The following BTBD16 variants were observed in gnomAD, a reference collection of about 807,000 sequenced individuals.
The protein encoded by BTBD16 is BTB domain containing 16, also known as BTB/POZ domain-containing protein 16.
BTBD16 carries 66 observed loss-of-function variants against 67.4 expected under a neutral mutation model. The ratio of observed to expected loss-of-function variants is 0.98; its 90% CI spans 0.80 to 1.20. The LOEUF (loss-of-function observed/expected upper bound fraction) is 1.20. BTBD16 is among the 50% of genes most tolerant of loss of function. The pLI, the probability that BTBD16 is intolerant of heterozygous loss-of-function variation, is 0.00. For missense variants in BTBD16, 634 were observed against 616.0 expected (o/e 1.03, Z -0.31); for synonymous variants, 242 against 236.4 (o/e 1.02, Z -0.22).
At chr10:122,287,587 T>A in intron 5 of BTBD16, 1 of 562,880 alleles carries the variant, frequency 1.8e-6, no homozygotes, top group Non-Finnish European at 2.3e-6. Context: ...GGGATTCACG[T>A]CTTTCAATAG....
intron 10 of BTBD16, among the ~76,000 whole-genome samples, chr10:122,314,393 A>T (rs2096420107): frequency 1.3e-5 from 2 of 152,146 alleles, no homozygotes; most frequent in African/African-American, 4.8e-5. Context: ...AGTCCCAACT[A>T]CTTGAGAGGC....
At chr10:122,308,865 A>G (rs1564995589) in intron 10 of BTBD16, among the ~76,000 whole-genome samples, 3 of 152,040 alleles carry the variant, frequency 2.0e-5, no homozygotes, top group African/African-American at 7.2e-5. Context: ...GCATCTCCTG[A>G]GCCCCGGGCT....
rs2096442221 is a variant in BTBD16, at chr10:122,325,185, G to A, written c.912-4295G>A. 2.0e-5 allele frequency among the ~76,000 whole-genome samples: 3 copies of A among 152,236 alleles called. No individual in the cohort carries two copies. In the South Asian group the frequency reaches 6.2e-4, roughly 31 times the overall value. ...AAGTTGTGGGTGAATGGAGGGATGG[G>A]ATGATGGAAATGAGGCTGGAAAGTT... On this transcript the variant is annotated intron_variant, in intron 10 of 15. Coordinates refer to ENST00000260723, the MANE Select transcript of BTBD16 (RefSeq NM_144587.5).
intron 15 of BTBD16, 126 bp from the exon 16 acceptor site, chr10:122,337,891 C>T (rs1048194269): frequency 2.8e-6 from 2 of 703,176 alleles, no homozygotes; most frequent in Non-Finnish European, 4.9e-6. Flanking sequence ...GCAGGTTATT[C>T]TGATGTGCAA....
chr10:122,301,522 C>T (rs943444113), intron 9 of BTBD16, among the ~76,000 whole-genome samples: 3 of 152,036 alleles, frequency 2.0e-5, no homozygotes, highest in African/African-American at 7.2e-5. Context: ...TGTGCCCACG[C>T]TGACCACTCC....
At chr10:122,282,142 G>A (rs1017423672) in intron 3 of BTBD16, among the ~76,000 whole-genome samples, 10 of 152,194 alleles carry the variant, frequency 6.6e-5, no homozygotes, top group Admixed American at 1.3e-4. Flanking sequence ...TGGCTCAGCC[G>A]ATGACACTGA....
intron 9 of BTBD16, among the ~76,000 whole-genome samples, chr10:122,306,855 G>A (rs998914043): frequency 6.6e-6 from 1 of 152,188 alleles, no homozygotes; most frequent in Admixed American, 6.5e-5. Context: ...CAGGATGGTT[G>A]TGTGGAATTA....
At chr10:122,288,327 C>G (rs779090417) in intron 5 of BTBD16, among the ~76,000 whole-genome samples, 1 of 152,182 alleles carries the variant, frequency 6.6e-6, no homozygotes, top group Non-Finnish European at 1.5e-5. Flanking sequence ...TGGAACAAGC[C>G]TGGTGCTTAG....
chr10:122,290,827 C>T (rs558026328), intron 6 of BTBD16, among the ~76,000 whole-genome samples: 137 of 152,344 alleles, frequency 9.0e-4, no homozygotes, highest in African/African-American at 3.2e-3. Context: ...GATGGTCTCA[C>T]CCCTGAGAAC....
At chr10:122,306,269 G>C (rs1201581775) in intron 9 of BTBD16, among the ~76,000 whole-genome samples, 3 of 152,200 alleles carry the variant, frequency 2.0e-5, no homozygotes, top group Non-Finnish European at 4.4e-5. Flanking sequence ...GCCTCTAGAA[G>C]GAACACAGCT....
chr10:122,323,979 G>T (rs2096439884), intron 10 of BTBD16, among the ~76,000 whole-genome samples: 1 of 152,128 alleles, frequency 6.6e-6, no homozygotes, highest in Non-Finnish European at 1.5e-5. Flanking sequence ...GACACTGAAG[G>T]GTAGATTCTG....
At chr10:122,295,320 G>A in intron 7 of BTBD16, 1 of 985,418 alleles carries the variant, frequency 1.0e-6, no homozygotes, top group Non-Finnish European at 1.2e-6. Context: ...GAGAAAGAGG[G>A]GACAGGGTGG....
chr10:122,312,559 C>T (rs2096415961), intron 10 of BTBD16, among the ~76,000 whole-genome samples: 1 of 151,926 alleles, frequency 6.6e-6, no homozygotes, highest in South Asian at 2.1e-4. Context: ...AGTGATCCAC[C>T]CGCCTTGGTC....
intron 10 of BTBD16, among the ~76,000 whole-genome samples, chr10:122,311,238 T>C (rs1378480235): frequency 6.6e-6 from 1 of 152,216 alleles, no homozygotes; most frequent in Non-Finnish European, 1.5e-5. Flanking sequence ...TAGAAACAAC[T>C]TCAAGTTTAT....
intron 9 of BTBD16, among the ~76,000 whole-genome samples, chr10:122,304,006 C>A (rs2096398880): frequency 6.6e-6 from 1 of 152,210 alleles, no homozygotes; most frequent in Admixed American, 6.5e-5. Flanking sequence ...TTGCTGCTAG[C>A]CCCTCTTTAG....
chr10:122,306,341 A>C (rs2096403610), intron 9 of BTBD16, among the ~76,000 whole-genome samples: 1 of 152,216 alleles, frequency 6.6e-6, no homozygotes, highest in Non-Finnish European at 1.5e-5. Flanking sequence ...TGAGAAAATA[A>C]ATTCGTGTTG....
chr10:122,327,505 C>T, intron 10 of BTBD16: 2 of 771,416 alleles, frequency 2.6e-6, no homozygotes, highest in Non-Finnish European at 3.1e-6. Context: ...GAGAGTGAAG[C>T]TCTGAGAGGC....
At chr10:122,322,630 A>C (rs2142119957) in intron 10 of BTBD16, among the ~76,000 whole-genome samples, 1 of 152,326 alleles carries the variant, frequency 6.6e-6, no homozygotes, top group South Asian at 2.1e-4. Flanking sequence ...TGCAGTTTGG[A>C]ATCCACGGTG....
chr10:122,306,705 A>C (rs2096404306), intron 9 of BTBD16, among the ~76,000 whole-genome samples: 1 of 152,236 alleles, frequency 6.6e-6, no homozygotes, highest in Non-Finnish European at 1.5e-5. Flanking sequence ...ATCGAGATGC[A>C]GTCTATTTTA....
Sources: gnomAD v4.1 joint callset for allele counts (sites outside exome capture counted in the v4.1 genomes callset) on GRCh38, gnomAD v4.1.1 for gene constraint, MANE v1.5 for transcripts, NCBI Gene and HGNC (gene_info 2026-07-23, HGNC 2026-07-21) for gene names.